The following RGS7 variants were observed in gnomAD, a reference collection of about 807,000 sequenced individuals.
The protein encoded by RGS7 is regulator of G-protein signaling 7.
In RGS7, 27 loss-of-function variants were observed where a neutral mutation model predicts 81.1. The ratio of observed to expected loss-of-function variants is 0.33; its 90% CI spans 0.25 to 0.46. RGS7 has a LOEUF of 0.46. RGS7 is among the 20% of genes least tolerant of loss of function. The pLI is 1.00. For synonymous variants in RGS7, 208 were observed against 207.7 expected (o/e 1.00, Z -0.01); for missense variants, 396 against 607.4 (o/e 0.65, Z 3.66).
At chr1:240,967,899 C>T (rs1182529348) in intron 4 of RGS7, among the ~76,000 whole-genome samples, 1 of 152,060 alleles carries the variant, frequency 6.6e-6, no homozygotes, top group Non-Finnish European at 1.5e-5. Context: ...TTTAAAGAAT[C>T]CAAAATGTTT....
At chr1:241,325,204 T>C (rs2148624917) in intron 2 of RGS7, among the ~76,000 whole-genome samples, 1 of 152,320 alleles carries the variant, frequency 6.6e-6, no homozygotes, top group Middle Eastern at 3.4e-3. Flanking sequence ...TAGTTCAAGG[T>C]GAAAAACTTT....
intron 2 of RGS7, among the ~76,000 whole-genome samples, chr1:241,178,951 T>G (rs1172537827): frequency 1.3e-5 from 2 of 152,234 alleles, no homozygotes; most frequent in Non-Finnish European, 2.9e-5. Flanking sequence ...AAGGGCTTAT[T>G]ACACTGTAGC....
chr1:240,931,927 C>A (rs1405884632), intron 5 of RGS7, among the ~76,000 whole-genome samples: 1 of 152,186 alleles, frequency 6.6e-6, no homozygotes, highest in African/African-American at 2.4e-5. Context: ...TCCTTATCAA[C>A]CCCTAGTCCC....
At chr1:241,286,426 G>A (rs534062866) in intron 2 of RGS7, among the ~76,000 whole-genome samples, 3 of 152,202 alleles carry the variant, frequency 2.0e-5, no homozygotes, top group South Asian at 2.1e-4. Flanking sequence ...CGCCACTTCC[G>A]TTCCTTCCAT....
chr1:241,273,069 T>G (rs978078843), intron 2 of RGS7, among the ~76,000 whole-genome samples: 2 of 152,192 alleles, frequency 1.3e-5, no homozygotes, highest in Admixed American at 6.5e-5. Context: ...TTCTGTTGAC[T>G]ATTTTCTCTC....
At chr1:241,254,787 A>G (rs1157345443) in intron 2 of RGS7, among the ~76,000 whole-genome samples, 1 of 152,218 alleles carries the variant, frequency 6.6e-6, no homozygotes, top group Non-Finnish European at 1.5e-5. Context: ...ATGATATAGT[A>G]AAAACCACAT....
At chr1:241,143,186 A>G (rs568862247) in intron 2 of RGS7, among the ~76,000 whole-genome samples, 1 of 152,128 alleles carries the variant, frequency 6.6e-6, no homozygotes, top group African/African-American at 2.4e-5. Context: ...ATTTTCTCAC[A>G]TTTTACTGTC....
intron 2 of RGS7, among the ~76,000 whole-genome samples, chr1:241,332,628 A>G (rs767064909): frequency 6.6e-6 from 1 of 152,132 alleles, no homozygotes; most frequent in Non-Finnish European, 1.5e-5. Context: ...ACAACGAAAC[A>G]TTTCCTTTTT....
intron 3 of RGS7, among the ~76,000 whole-genome samples, chr1:241,088,905 G>A (rs1208180637): frequency 3.3e-5 from 5 of 150,852 alleles, no homozygotes; most frequent in Admixed American, 3.3e-4. Context: ...CAGCTACTCG[G>A]GAGGCTGAGG....
chr1:241,312,416 ATTT>A, intron 2 of RGS7, among the ~76,000 whole-genome samples: 1 of 152,172 alleles, frequency 6.6e-6, no homozygotes, highest in African/African-American at 2.4e-5. Flanking sequence ...CATCAGTGCC[ATTT>A]TCCCAACAAC....
rs1692978856 is a variant in RGS7, at chr1:240,827,176, G to A, written c.610-4C>T. On this transcript the variant is annotated splice_region_variant and splice_polypyrimidine_tract_variant and intron_variant, in intron 9 of 18. Coordinates refer to ENST00000440928, the MANE Select transcript of RGS7 (RefSeq NM_001364886.1). ...CAGTTGTATTTACACATCCAGGCTG[G>A]GAATGGAAAAACAGAGAGACAAATG... is the stretch of plus-strand genomic sequence containing the variant. 2.5e-6 allele frequency: 4 copies of A among 1,610,446 alleles called. No homozygotes were observed. Among genetic ancestry groups the A allele is most frequent in the Non-Finnish European group, 3.4e-6 (4 of 1,176,698 alleles).
At chr1:240,916,751 C>A (rs1185961660) in intron 6 of RGS7, among the ~76,000 whole-genome samples, 2 of 152,224 alleles carry the variant, frequency 1.3e-5, no homozygotes, top group African/African-American at 2.4e-5. Flanking sequence ...ATCCTGCCAG[C>A]ACCTTGTTCT....
intron 3 of RGS7, among the ~76,000 whole-genome samples, chr1:241,094,636 G>A (rs894765663): frequency 2.3e-4 from 28 of 123,840 alleles, no homozygotes; most frequent in Non-Finnish European, 4.1e-4. Context: ...CAAAAACAAA[G>A]AAAAGTCTTA....
chr1:240,973,884 A>T (rs1320308074), intron 4 of RGS7, among the ~76,000 whole-genome samples: 1 of 152,128 alleles, frequency 6.6e-6, no homozygotes, highest in African/African-American at 2.4e-5. Flanking sequence ...CCGGCCAGAG[A>T]CATTCTTTAC....
rs2068132226 is a variant in RGS7 at position 241,144,265 on chromosome 1, GTT to G, written c.79-45505_79-45504del. Reference sequence around the variant, plus strand: ...TTGACATACATGTGCTGGCGCATATGTTGTTTATTTCTCTGCTGTTTATACCA... The same window carrying G: ...TTGACATACATGTGCTGGCGCATATGGTTTATTTCTCTGCTGTTTATACCA... On this transcript the variant is annotated intron_variant, in intron 2 of 18. Transcript: ENST00000440928. This position sits in a 1 kb window ranked among gnomAD's most constrained non-coding sequence, Gnocchi z 4.7. 1.3e-5 allele frequency among the ~76,000 whole-genome samples: 2 copies of G among 152,140 alleles called. No homozygotes were observed. Among genetic ancestry groups the G allele is most frequent in the African/African-American group, 4.8e-5 (2 of 41,428 alleles).
At chr1:241,195,624 T>C (rs1322599684) in intron 2 of RGS7, among the ~76,000 whole-genome samples, 1 of 151,934 alleles carries the variant, frequency 6.6e-6, no homozygotes, top group African/African-American at 2.4e-5. Context: ...GTTTAAAAGA[T>C]TAAATAAGGC....
At chr1:241,176,559 T>C (rs2071161231) in intron 2 of RGS7, among the ~76,000 whole-genome samples, 1 of 152,008 alleles carries the variant, frequency 6.6e-6, no homozygotes, top group African/African-American at 2.4e-5. Context: ...CCGGAAACAA[T>C]AAATGAAAGT....
At chr1:240,877,996 A>C (rs1164291122) in intron 6 of RGS7, among the ~76,000 whole-genome samples, 1 of 151,882 alleles carries the variant, frequency 6.6e-6, no homozygotes, top group African/African-American at 2.4e-5. Context: ...TTCCCATCTC[A>C]TCTCTCTCTA....
At chr1:240,876,468 C>T (rs1341638010) in intron 6 of RGS7, among the ~76,000 whole-genome samples, 1 of 152,160 alleles carries the variant, frequency 6.6e-6, no homozygotes, top group Non-Finnish European at 1.5e-5. Flanking sequence ...CTGATCTTGA[C>T]CCACTTAACA....
Sources: allele counts gnomAD v4.1 joint callset (sites outside exome capture counted in the v4.1 genomes callset), GRCh38; gene constraint gnomAD v4.1.1; non-coding constraint Gnocchi (gnomAD v3.1); transcripts MANE v1.5; gene names NCBI Gene and HGNC (gene_info 2026-07-23, HGNC 2026-07-21).